The following MYO1A variants were observed in gnomAD, a reference collection of about 807,000 sequenced individuals.
The protein encoded by MYO1A is unconventional myosin-Ia.
A neutral mutation model predicts 138.5 loss-of-function variants in MYO1A; 127 were observed. That is an observed-to-expected ratio of 0.92 (90% CI 0.79 to 1.06). The LOEUF (loss-of-function observed/expected upper bound fraction) is 1.06. Ranked by LOEUF, MYO1A falls within the 50% of genes least tolerant of loss-of-function variation. The probability of loss-of-function intolerance (pLI) is 0.00; values close to 1 mark genes in which losing one functional copy is unlikely to be tolerated. For missense variants in MYO1A, 1,211 were observed against 1,288.8 expected (o/e 0.94, Z 0.92); for synonymous variants, 477 against 497.5 (o/e 0.96, Z 0.55).
At chr12:57,043,546 C>A (rs2136453699) in intron 10 of MYO1A, among the ~76,000 whole-genome samples, 188 bp from the exon 11 acceptor site, 1 of 152,288 alleles carries the variant, frequency 6.6e-6, no homozygotes, top group Middle Eastern at 3.4e-3. Context: ...GAAAGGGGAT[C>A]TGGGCATTTT....
chr12:57,043,136 A>G lies in MYO1A; in HGVS notation c.1034T>C (p.Leu345Pro). 1 of 1,614,174 alleles carries G rather than the reference A, an allele frequency of 6.2e-7. No homozygotes were observed. Among genetic ancestry groups the G allele is most frequent in the African/African-American group, 1.3e-5 (1 of 75,040 alleles). Residue 345 changes from leucine to proline, a missense_variant, in exon 12 of 28, where the codon CTG (leucine) becomes CCG (proline). Coordinates refer to ENST00000300119, the MANE Select transcript of MYO1A (RefSeq NM_005379.4). ...GAGGCGGCTGTAGATGTTCTTAGCC[A>G]GGGCGTCCCGAGCATACTGAGCCTG... is the stretch of plus-strand genomic sequence containing the variant. ...VMQAQYARDA[L>P]AKNIYSRLFD...
Position 57,043,345 on chromosome 12 carries a change from A to G in MYO1A, c.906T>C (p.Ile302=). 6.2e-7 allele frequency: 1 copy of G among 1,614,064 alleles called. No individual in the cohort carries two copies. Among genetic ancestry groups the G allele is most frequent in the South Asian group, 1.1e-5 (1 of 91,080 alleles). The change falls in exon 11 of 28, where the codon ATT becomes ATC. Residue 302 remains isoleucine (I), a synonymous_variant. Transcript: ENST00000300119. ...GIRDGRGVRE[I]GEMVGLNSEE... is the part of the protein sequence containing the mutation. Reference sequence around the variant, plus strand: ...CTGAATTCAAGCCCACCATCTCCCCAATCTCCCGAACACCTGGGATAATGA... The same window carrying G: ...CTGAATTCAAGCCCACCATCTCCCCGATCTCCCGAACACCTGGGATAATGA...
intron 23 of MYO1A, 114 bp from the exon 24 acceptor site, chr12:57,030,430 AG>A: frequency 1.1e-6 from 1 of 877,812 alleles, no homozygotes; most frequent in Non-Finnish European, 1.8e-6. Context: ...CTGAGGAAAA[AG>A]GACAGGCACT....
At position 57,038,829 on chromosome 12, in the gene MYO1A, T is replaced by A; in HGVS notation, c.1513A>T (p.Ile505Phe). ...DHTMGLSCFR[I>F]CHYAGKVTYN... ...TTCACCTTGCCCGCATAGTGGCAGA[T>A]GCGGAAGCAGCTGAGGCCCATGGTG... Residue 505 changes from isoleucine to phenylalanine, a missense_variant, in exon 16 of 28, where the codon ATC (isoleucine) becomes TTC (phenylalanine). Ile to Phe is a conservative substitution (Grantham distance 21, BLOSUM62 0). Transcript: ENST00000300119. The A allele has an allele frequency of 6.2e-7, 1 of 1,614,174 alleles. No individual in the cohort carries two copies. Among genetic ancestry groups the A allele is most frequent in the Non-Finnish European group, 8.5e-7 (1 of 1,180,036 alleles).
chr12:57,042,960 C>T (rs1488706992), intron 12 of MYO1A, 112 bp downstream of exon 12: 1 of 990,554 alleles, frequency 1.0e-6, no homozygotes, highest in Non-Finnish European at 1.6e-6. Flanking sequence ...ACTGTACCCT[C>T]CCCATCATCC....
chr12:57,037,287 A>G (rs562571234), intron 19 of MYO1A, among the ~76,000 whole-genome samples, 196 bp from the exon 20 acceptor site: 1 of 152,334 alleles, frequency 6.6e-6, no homozygotes, highest in Non-Finnish European at 1.5e-5. Context: ...GTAAGCTAGA[A>G]GTTGATCACC....
Position 57,037,828 on chromosome 12 carries a change from A to G in MYO1A, c.1961+41T>C, listed in dbSNP as rs375153022. 6.4e-5 allele frequency: 102 copies of G among 1,605,636 alleles called. No homozygotes were observed. In the South Asian group the frequency reaches 1.1e-3, roughly 17 times the overall value. ...CTCTTCCCCCAGAGATGTTTCCTGCACTGCCCTTTCCTGATGCCCAGTCTC... is the reference window on the plus strand; with the variant it reads ...CTCTTCCCCCAGAGATGTTTCCTGCGCTGCCCTTTCCTGATGCCCAGTCTC... On this transcript the variant is annotated intron_variant, in intron 18 of 27. Coordinates refer to ENST00000300119, the MANE Select transcript of MYO1A (RefSeq NM_005379.4).
Position 57,048,369 on chromosome 12 carries a change from GA to G in MYO1A, c.-20-27del. 4 of 1,394,742 alleles carry G rather than the reference GA, an allele frequency of 2.9e-6. No homozygotes were observed. In the South Asian group the frequency reaches 4.6e-5, roughly 16 times the overall value. The allele number at this position is 1,394,742 out of a possible 1,614,324, so 86.4% of individuals were successfully genotyped here. ...CTGGGAATAAGAGGCACAGTTTGCTGATGTCCACTCAGCTTTAGGGGCCAGT... is the reference window on the plus strand; with the variant it reads ...CTGGGAATAAGAGGCACAGTTTGCTGTGTCCACTCAGCTTTAGGGGCCAGT... On this transcript the variant is annotated intron_variant, in intron 1 of 27. Transcript: ENST00000300119.
At chr12:57,039,358 C>T in intron 14 of MYO1A, 84 bp from the exon 15 acceptor site, 9 of 1,023,016 alleles carry the variant, frequency 8.8e-6, no homozygotes, top group Middle Eastern at 4.1e-4. Flanking sequence ...TTTCACCCAC[C>T]CAACAAAGGA....
At position 57,037,400 on chromosome 12, in the gene MYO1A, G is replaced by C. The variant is rs890292361; in HGVS notation, c.2055+148C>G. ...TAGGAACCCAAGAGTTCAATTCCCA[G>C]GGATACGGTTCCTGCAGACAGGAAG... On this transcript the variant is annotated intron_variant, in intron 19 of 27. Transcript: ENST00000300119. 2.1e-5 allele frequency: 18 copies of C among 862,370 alleles called. No individual in the cohort carries two copies. In the African/African-American group the frequency reaches 2.8e-4, roughly 13 times the overall value. The allele number at this position is 862,370 out of a possible 1,614,324, so 53.4% of individuals were successfully genotyped here.
At chr12:57,032,622 G>C (rs564654064) in intron 22 of MYO1A, among the ~76,000 whole-genome samples, 1 of 152,252 alleles carries the variant, frequency 6.6e-6, no homozygotes, top group Admixed American at 6.5e-5. Context: ...GGTGGAGGTT[G>C]CAGTGAGCCA....
chr12:57,048,950 T>C (rs1752461890), intron 1 of MYO1A, among the ~76,000 whole-genome samples: 1 of 152,204 alleles, frequency 6.6e-6, no homozygotes, highest in African/African-American at 2.4e-5. Context: ...TTATAGAGGA[T>C]AGAGGCAGGA....
chr12:57,030,356 G>A (rs773751985), intron 23 of MYO1A, 40 bp from the exon 24 acceptor site: 12 of 1,500,558 alleles, frequency 8.0e-6, no homozygotes, highest in Admixed American at 3.3e-5. Flanking sequence ...TCATAGAGTG[G>A]GAGGGCAGGG....
intron 8 of MYO1A, among the ~76,000 whole-genome samples, chr12:57,045,438 G>A (rs972092072): frequency 2.6e-5 from 4 of 152,122 alleles, no homozygotes; most frequent in African/African-American, 9.7e-5. Context: ...CAGAATGTCT[G>A]GGGATGATGA....
intron 22 of MYO1A, 145 bp from the exon 23 acceptor site, chr12:57,031,319 T>G: frequency 9.9e-7 from 1 of 1,012,126 alleles, no homozygotes; most frequent in Non-Finnish European, 1.5e-6. Context: ...TGGAAGGGAG[T>G]CACCTCTTGG....
chr12:57,046,929 TCAGAGAGAGAC>T lies in MYO1A; in HGVS notation c.478-14_478-4del, dbSNP rs762571622. On this transcript the variant is annotated splice_polypyrimidine_tract_variant and splice_region_variant and intron_variant, in intron 6 of 27. Transcript: ENST00000300119. The stretch of plus-strand genomic sequence containing the variant: ...AATTCAATATCCATGTATTTTCCCT[TCAGAGAGAGAC>T]CAGAGAGAGAGACTTAGCTTCTTCC... 1.9e-6 allele frequency: 3 copies of T among 1,614,042 alleles called. No individual in the cohort carries two copies. The highest frequency in any genetic ancestry group is 3.3e-5 in the Admixed American group (2 of 60,000).
At chr12:57,040,260 C>T (rs1419569459) in intron 14 of MYO1A, among the ~76,000 whole-genome samples, 3 of 152,214 alleles carry the variant, frequency 2.0e-5, no homozygotes, top group Non-Finnish European at 4.4e-5. Context: ...TCCTTACATA[C>T]TGACATGGAA....
chr12:57,032,732 G>A (rs1312263549), intron 22 of MYO1A, among the ~76,000 whole-genome samples: 1 of 152,122 alleles, frequency 6.6e-6, no homozygotes, highest in Non-Finnish European at 1.5e-5. Flanking sequence ...GGAAGAGAGA[G>A]GATCAGAGAG....
intron 14 of MYO1A, 136 bp downstream of exon 14, chr12:57,041,048 T>C: frequency 1.4e-6 from 1 of 708,188 alleles, no homozygotes; most frequent in Non-Finnish European, 2.5e-6. Flanking sequence ...AATGATCTAC[T>C]ATGCAAGGGA....
Sources: allele counts gnomAD v4.1 joint callset (sites outside exome capture counted in the v4.1 genomes callset), GRCh38; gene constraint gnomAD v4.1.1; transcripts MANE v1.5; gene names NCBI Gene and HGNC (gene_info 2026-07-23, HGNC 2026-07-21).